Variants in TRIM2 observed in about 807,000 individuals in gnomAD.
The protein encoded by TRIM2 is tripartite motif-containing protein 2.
Under a neutral mutation model 75.2 loss-of-function variants are expected in TRIM2, and 20 were observed. The ratio of observed to expected loss-of-function variants is 0.27; its 90% CI spans 0.19 to 0.39. The LOEUF (loss-of-function observed/expected upper bound fraction) is 0.39. Ranked by LOEUF, TRIM2 falls within the 10% of genes least tolerant of loss-of-function variation. TRIM2 has a pLI of 1.00. For synonymous variants in TRIM2, 373 were observed against 388.3 expected (o/e 0.96, Z 0.46); for missense variants, 660 against 990.8 (o/e 0.67, Z 4.48).
rs530997498 is a variant in TRIM2, at chr4:153,173,824, G to A, written c.-49+20554G>A. ...ACTACTAAAAATACAAAAATCAGCC[G>A]GGTGTGGTGGCACACGCCTGTGGTC... On this transcript the variant is annotated intron_variant, in intron 1 of 11. Transcript: ENST00000437508. 1.2e-3 allele frequency among the ~76,000 whole-genome samples: 177 copies of A among 151,726 alleles called. 1 individual carries two copies. Among genetic ancestry groups the A allele is most frequent in the African/African-American group, 4.1e-3 (168 of 41,308 alleles).
upstream of TRIM2, among the ~76,000 whole-genome samples, chr4:153,199,483 G>A (rs778042943): frequency 6.6e-6 from 1 of 152,184 alleles, no homozygotes; most frequent in Non-Finnish European, 1.5e-5. Flanking sequence ...TAACGAATCT[G>A]TTTGCTTGCA....
chr4:153,246,685 T>C (rs1274100568), intron 1 of TRIM2, among the ~76,000 whole-genome samples: 2 of 151,888 alleles, frequency 1.3e-5, no homozygotes, highest in Non-Finnish European at 2.9e-5. Flanking sequence ...GGAGGAAGAA[T>C]AGAGGATGAG....
At chr4:153,218,286 C>T (rs1241570416) in intron 1 of TRIM2, among the ~76,000 whole-genome samples, 3 of 152,204 alleles carry the variant, frequency 2.0e-5, no homozygotes, top group African/African-American at 7.2e-5. Flanking sequence ...CAGCTCACTG[C>T]AGCCTTTTGC....
intron 1 of TRIM2, among the ~76,000 whole-genome samples, chr4:153,180,472 T>C (rs1731936019): frequency 6.6e-6 from 1 of 152,214 alleles, no homozygotes; most frequent in South Asian, 2.1e-4. Context: ...GTTTTCCCAG[T>C]TGCCATCTTA....
intron 3 of TRIM2, among the ~76,000 whole-genome samples, chr4:153,285,813 T>C (rs1238334496): frequency 6.6e-6 from 1 of 152,146 alleles, no homozygotes; most frequent in South Asian, 2.1e-4. Flanking sequence ...TAAGATCATG[T>C]CATCTCTGTA....
intron 3 of TRIM2, chr4:153,276,359 TCCCCA>T (rs1479796453): frequency 1.2e-5 from 7 of 562,414 alleles, no homozygotes; most frequent in Non-Finnish European, 2.2e-5. Flanking sequence ...ATTGTTGGTA[TCCCCA>T]GGACAGCAAA....
At chr4:153,228,935 T>C (rs1035732582) in intron 1 of TRIM2, among the ~76,000 whole-genome samples, 65 of 152,256 alleles carry the variant, frequency 4.3e-4, no homozygotes, top group African/African-American at 1.5e-3. Context: ...AAGCAACCGA[T>C]GACTGAAGGC....
intron 6 of TRIM2, among the ~76,000 whole-genome samples, chr4:153,310,492 T>A (rs908048669): frequency 1.3e-5 from 2 of 152,224 alleles, no homozygotes; most frequent in Admixed American, 1.3e-4. Context: ...GACAATCTAC[T>A]GTAGTGCTGC....
upstream of TRIM2, chr4:153,152,390 A>G (rs1728803686): frequency 9.7e-6 from 1 of 102,840 alleles, no homozygotes; most frequent in South Asian, 3.5e-4. Flanking sequence ...CAGTCTTTTT[A>G]TACATATATA....
intron 1 of TRIM2, among the ~76,000 whole-genome samples, chr4:153,187,126 G>A (rs1732678678): frequency 1.3e-5 from 2 of 152,200 alleles, no homozygotes; most frequent in Admixed American, 6.5e-5. Context: ...AGAATGTTTG[G>A]CAATGTTTTC....
intron 1 of TRIM2, among the ~76,000 whole-genome samples, chr4:153,173,531 G>A (rs1345318299): frequency 1.5e-4 from 22 of 151,572 alleles, no homozygotes; most frequent in Admixed American, 1.4e-3. Context: ...GCGTGGTGGC[G>A]GGCGCCTGTG....
chr4:153,321,643 A>T (rs945390697), intron 8 of TRIM2, among the ~76,000 whole-genome samples: 2 of 152,198 alleles, frequency 1.3e-5, no homozygotes, highest in African/African-American at 4.8e-5. Context: ...ATTATGCACC[A>T]AGAAGTGTGT....
At chr4:153,290,234 C>T (rs1174101341) in intron 3 of TRIM2, among the ~76,000 whole-genome samples, 3 of 152,186 alleles carry the variant, frequency 2.0e-5, no homozygotes, top group Non-Finnish European at 4.4e-5. Context: ...CTTTGAAAAA[C>T]AGGAAACTTC....
chr4:153,293,831 C>A (rs1055409795), intron 4 of TRIM2, among the ~76,000 whole-genome samples: 1 of 152,142 alleles, frequency 6.6e-6, no homozygotes, highest in African/African-American at 2.4e-5. Context: ...ATACAGCTAT[C>A]TAGAATAGTG....
intron 1 of TRIM2, among the ~76,000 whole-genome samples, chr4:153,243,400 C>T (rs1328595777): frequency 6.6e-6 from 1 of 152,222 alleles, no homozygotes; most frequent in Non-Finnish European, 1.5e-5. Context: ...AAGAGCAGTG[C>T]CAGGTTCCTT....
chr4:153,221,505 T>C (rs78330006), intron 1 of TRIM2, among the ~76,000 whole-genome samples: 1,833 of 152,330 alleles, frequency 0.012, 36 homozygotes, highest in African/African-American at 0.042. Flanking sequence ...TCTATGTTCC[T>C]ATAACCCTCT....
Position 153,335,060 on chromosome 4 carries a change from G to T in TRIM2, c.*94G>T. 7.5e-7 allele frequency: 1 copy of T among 1,333,780 alleles called. No individual in the cohort carries two copies. The highest frequency in any genetic ancestry group is 9.7e-7 in the Non-Finnish European group (1 of 1,029,938). The allele number at this position is 1,333,780 out of a possible 1,614,324, so 82.6% of individuals were successfully genotyped here. On this transcript the variant is annotated 3_prime_UTR_variant, in exon 12 of 12. Transcript: ENST00000338700. The stretch of plus-strand genomic sequence containing the variant: ...ACCAGATTATGACTAGAGTTTTTAT[G>T]CCAGAAGGAATCATTGGTGAACTTT...
chr4:153,320,670 T>A (rs1335450444), intron 8 of TRIM2, among the ~76,000 whole-genome samples: 1 of 152,196 alleles, frequency 6.6e-6, no homozygotes, highest in African/African-American at 2.4e-5. Flanking sequence ...TCTCGCTCTG[T>A]CACCCAGGCT....
intron 1 of TRIM2, 35 bp downstream of exon 1, chr4:153,204,595 T>C: frequency 6.4e-7 from 1 of 1,551,674 alleles, no homozygotes; most frequent in Non-Finnish European, 8.7e-7. Flanking sequence ...TAATTCTTTT[T>C]CTGGGCCAGC....
Sources: gnomAD v4.1 joint callset for allele counts (sites outside exome capture counted in the v4.1 genomes callset) on GRCh38, gnomAD v4.1.1 for gene constraint, MANE v1.5 for transcripts, NCBI Gene and HGNC (gene_info 2026-07-23, HGNC 2026-07-21) for gene names.